The following ZNF221 variants were observed in gnomAD, a reference collection of about 807,000 sequenced individuals.
The protein encoded by ZNF221 is zinc finger protein 221.
In ZNF221, 10 loss-of-function variants were observed where a neutral mutation model predicts 12.6. That is an observed-to-expected ratio of 0.79 (90% confidence interval 0.49 to 1.34). ZNF221 has a LOEUF of 1.34. Among genes scored for constraint, ZNF221 ranks in the 40% most tolerant of loss-of-function variants. The pLI, the probability that ZNF221 is intolerant of heterozygous loss-of-function variation, is 0.00. For missense variants in ZNF221, 661 were observed against 721.4 expected (o/e 0.92, Z 0.96); for synonymous variants, 232 against 244.0 (o/e 0.95, Z 0.46).
the ZNF221 span, among the ~76,000 whole-genome samples, chr19:43,979,812 A>G: frequency 6.6e-6 from 1 of 152,218 alleles, no homozygotes; most frequent in African/African-American, 2.4e-5. Flanking sequence ...CTTAAGAATG[A>G]GTTTTCTAAA....
chr19:43,964,701 A>T lies in ZNF221; in HGVS notation c.82-249A>T, dbSNP rs147185048. ...GTCCTAGAGGGCTACTTACAAGTAGACTCAATGACTGCACAAAGTAAAAGT... is the reference window on the plus strand; with the variant it reads ...GTCCTAGAGGGCTACTTACAAGTAGTCTCAATGACTGCACAAAGTAAAAGT... On this transcript the variant is annotated intron_variant, in intron 2 of 4. Coordinates refer to ENST00000587682, the MANE Select transcript of ZNF221 (RefSeq NM_001297588.2). Among the ~76,000 whole-genome samples the T allele has an allele frequency of 4.2e-3, 638 of 152,304 alleles. 1 individual carries two copies. Among genetic ancestry groups the T allele is most frequent in the Non-Finnish European group, 7.5e-3 (508 of 68,026 alleles).
intron 1 of ZNF221, among the ~76,000 whole-genome samples, chr19:43,955,872 C>T (rs1454131255): frequency 1.3e-5 from 2 of 152,198 alleles, no homozygotes; most frequent in African/African-American, 4.8e-5. Context: ...GTTCCAGAGT[C>T]AGTCTCCAGG....
chr19:43,980,378 T>A, the ZNF221 span, among the ~76,000 whole-genome samples: 1 of 152,044 alleles, frequency 6.6e-6, no homozygotes, highest in Non-Finnish European at 1.5e-5. Context: ...AAACGGGAGG[T>A]CAGTTCTGTA....
At chr19:43,962,901 A>G in intron 2 of ZNF221, 94 bp downstream of exon 2, 1 of 1,229,320 alleles carries the variant, frequency 8.1e-7, no homozygotes, top group Non-Finnish European at 1.1e-6. Flanking sequence ...AAGGAGAACA[A>G]CAAGCATTTG....
chr19:43,972,818 G>C, the ZNF221 span, among the ~76,000 whole-genome samples: 8 of 124,746 alleles, frequency 6.4e-5, no homozygotes, highest in South Asian at 2.6e-4. Flanking sequence ...AATTCTACCA[G>C]AGGTACAAAA....
At chr19:43,972,763 CAAAA>C in the ZNF221 span, among the ~76,000 whole-genome samples, 3 of 67,924 alleles carry the variant, frequency 4.4e-5, no homozygotes, top group African/African-American at 1.0e-4. Flanking sequence ...AATAGTCTAC[CAAAA>C]AAAAAAAAAA....
intron 1 of ZNF221, among the ~76,000 whole-genome samples, chr19:43,957,051 G>A (rs1314962174): frequency 6.6e-6 from 1 of 152,188 alleles, no homozygotes; most frequent in Non-Finnish European, 1.5e-5. Flanking sequence ...TTTGATCCTT[G>A]TTTGAACAGT....
chr19:43,980,500 C>G, the ZNF221 span, among the ~76,000 whole-genome samples: 1 of 152,218 alleles, frequency 6.6e-6, no homozygotes, highest in Non-Finnish European at 1.5e-5. Context: ...CAACGACTAA[C>G]TCCTATTATC....
At chr19:43,967,951 C>T (rs985089504), downstream of ZNF221, 3 of 156,366 alleles carry the variant, frequency 1.9e-5, no homozygotes, top group Admixed American at 1.9e-4. Flanking sequence ...AGTTATGCCT[C>T]AAAGTCTTCA....
In ZNF221 at chr19:43,965,013, CCT is replaced by C; in HGVS notation, c.146_147del (p.Pro49ArgfsTer58). The stretch of plus-strand genomic sequence containing the variant: ...TGAGGAGGAGCTGGGGCTGCTGGAC[CCT>C]GCCCAGAGGAAGCTGTACCGAGATG... ...FTEEELGLLD[P>X]AQRKLYRDVM... is the part of the protein sequence containing the mutation. On this transcript the variant is annotated frameshift_variant, in exon 3 of 5. Coordinates refer to ENST00000587682, the MANE Select transcript of ZNF221 (RefSeq NM_001297588.2). LOFTEE classifies it high-confidence loss of function. 1 of 1,614,060 alleles carries C rather than the reference CCT, an allele frequency of 6.2e-7. No individual in the cohort carries two copies. The highest frequency in any genetic ancestry group is 8.5e-7 in the Non-Finnish European group (1 of 1,179,982).
At chr19:43,960,965 C>T (rs1458547513) in intron 1 of ZNF221, among the ~76,000 whole-genome samples, 1 of 152,176 alleles carries the variant, frequency 6.6e-6, no homozygotes, top group African/African-American at 2.4e-5. Flanking sequence ...TAGGGCACTA[C>T]CTAATGGATC....
At position 43,967,060 on chromosome 19, in the gene ZNF221, C is replaced by A; in HGVS notation, c.1558C>A (p.Gln520Lys). 6.3e-7 allele frequency: 1 copy of A among 1,597,468 alleles called. No homozygotes were observed. Among genetic ancestry groups the A allele is most frequent in the Non-Finnish European group, 8.6e-7 (1 of 1,169,572 alleles). ...ECGKRFTQSS[Q>K]LHSHQTCHTG... is the part of the protein sequence containing the mutation. ...TGGAAAGAGATTTACTCAGAGTTCA[C>A]AACTTCATTCCCATCAGACATGCCA... Residue 520 changes from glutamine to lysine, a missense_variant, in exon 5 of 5, where the codon CAA becomes AAA. By Grantham distance (53) the Gln-to-Lys change is moderately conservative (BLOSUM62 1). Transcript: ENST00000587682.
chr19:43,969,526 T>G (rs1383618359), downstream of ZNF221, among the ~76,000 whole-genome samples: 1 of 151,938 alleles, frequency 6.6e-6, no homozygotes, highest in Non-Finnish European at 1.5e-5. Context: ...TTTTTGTATT[T>G]TTCATAGAGA....
At chr19:43,969,914 T>C (rs773477918), downstream of ZNF221, among the ~76,000 whole-genome samples, 17 of 152,186 alleles carry the variant, frequency 1.1e-4, no homozygotes, top group Non-Finnish European at 2.1e-4. Flanking sequence ...CCAAAAGCAG[T>C]TGGACTGCTT....
At chr19:43,959,301 T>A (rs1974806569) in intron 1 of ZNF221, among the ~76,000 whole-genome samples, 1 of 152,240 alleles carries the variant, frequency 6.6e-6, no homozygotes, top group Non-Finnish European at 1.5e-5. Context: ...GTCTTAGAGG[T>A]ACTTACTGTT....
At chr19:43,963,524 A>G (rs374043308) in intron 2 of ZNF221, among the ~76,000 whole-genome samples, 15 of 152,208 alleles carry the variant, frequency 9.9e-5, no homozygotes, top group African/African-American at 3.6e-4. Flanking sequence ...CCTTGTATGC[A>G]TGTTATTTAT....
chr19:43,958,526 A>T (rs201196495), intron 1 of ZNF221, among the ~76,000 whole-genome samples: 2 of 152,228 alleles, frequency 1.3e-5, no homozygotes, highest in Admixed American at 1.3e-4. Context: ...TCCCTTGGGA[A>T]CAATCTGTTA....
In ZNF221 at chr19:43,967,277, C is replaced by T. The variant is rs1441090471; in HGVS notation, c.1775C>T (p.Ser592Phe). ...RLHSGEKPLK[S>F]GVWEEIYSEF... ...CACAGTGGAGAAAAGCCATTGAAAT[C>T]TGGAGTGTGGGAAGAGATCTACTCA... The change falls in exon 5 of 5, where the codon TCT (serine) becomes TTT (phenylalanine). Residue 592 changes from serine (S) to phenylalanine (F), a missense_variant. Ser to Phe is a radical substitution (Grantham distance 155). Coordinates refer to ENST00000587682, the MANE Select transcript of ZNF221 (RefSeq NM_001297588.2). 3 of 1,612,956 alleles carry T rather than the reference C, an allele frequency of 1.9e-6. No homozygotes were observed. The highest frequency in any genetic ancestry group is 2.7e-5 in the African/African-American group (2 of 74,540).
At chr19:43,977,405 G>A in the ZNF221 span, 2 of 152,154 alleles carry the variant, frequency 1.3e-5, no homozygotes, top group African/African-American at 2.4e-5. Flanking sequence ...ATAGGGATGT[G>A]GAAGTCATAT....
Sources: gnomAD v4.1 joint callset for allele counts (sites outside exome capture counted in the v4.1 genomes callset) on GRCh38, gnomAD v4.1.1 for gene constraint, MANE v1.5 for transcripts, NCBI Gene and HGNC (gene_info 2026-07-23, HGNC 2026-07-21) for gene names.